Variants in KIRREL3 observed in about 807,000 individuals in gnomAD.
KIRREL3 encodes kin of IRRE-like protein 3.
Under a neutral mutation model 89.7 loss-of-function variants are expected in KIRREL3, and 36 were observed. That is an observed-to-expected ratio of 0.40 (90% CI 0.31 to 0.53). The LOEUF is 0.53. Ranked by LOEUF, KIRREL3 falls within the 20% of genes least tolerant of loss-of-function variation. The probability of loss-of-function intolerance (pLI) is 0.49; values close to 1 mark genes in which losing one functional copy is unlikely to be tolerated. For missense variants in KIRREL3, 864 were observed against 1,056.6 expected, an observed-to-expected ratio of 0.82 and a Z score of 2.53; for synonymous variants, 445 against 441.4, an observed-to-expected ratio of 1.01 and a Z score of -0.10.
At chr11:126,554,453 T>C (rs942526324) in intron 2 of KIRREL3, among the ~76,000 whole-genome samples, 1 of 152,202 alleles carries the variant, frequency 6.6e-6, no homozygotes, top group African/African-American at 2.4e-5. Flanking sequence ...GCTGCCTGTG[T>C]TACTCTGGAT....
At chr11:126,456,601 C>T (rs908296110) in intron 6 of KIRREL3, 147 bp from the exon 7 acceptor site, 42 of 609,598 alleles carry the variant, frequency 6.9e-5, no homozygotes, top group African/African-American at 5.2e-4. Context: ...AAGCTGGGGG[C>T]TCCATGGGAG....
rs75338332 is a variant in KIRREL3, at chr11:126,783,659, A to T, written c.55+216796T>A. On this transcript the variant is annotated intron_variant, in intron 1 of 16. Transcript: ENST00000525144. This position sits in a 1 kb window ranked among gnomAD's most constrained non-coding sequence, Gnocchi z 4.3. ...ATGTAAATAGATGACTGAAGGAATA[A>T]ATACAGAAATAAATAAATGGAGGAG... Among the ~76,000 whole-genome samples, 5,515 of 152,328 alleles carry T rather than the reference A, an allele frequency of 0.036. 316 individuals carry two copies. The highest frequency in any genetic ancestry group is 0.12 in the African/African-American group (5,080 of 41,546).
chr11:126,776,437 G>A lies in KIRREL3; in HGVS notation c.56-213525C>T, dbSNP rs916241889. Among the ~76,000 whole-genome samples, 2 of 152,172 alleles carry A rather than the reference G, an allele frequency of 1.3e-5. No individual in the cohort carries two copies. Among genetic ancestry groups the A allele is most frequent in the African/African-American group, 4.8e-5 (2 of 41,444 alleles). On this transcript the variant is annotated intron_variant, in intron 1 of 16. Coordinates refer to ENST00000525144, the MANE Select transcript of KIRREL3 (RefSeq NM_032531.4). The surrounding 1 kb of genome is among the most constrained non-coding windows in gnomAD (Gnocchi z 4.7). ...TGTGCTGATGCCTCCTTCTCAGGGT[G>A]GCTGTGAGAATCAAATGAAATGATT...
Position 126,748,594 on chromosome 11 carries a change from G to A in KIRREL3, c.56-185682C>T, listed in dbSNP as rs962121474. Among the ~76,000 whole-genome samples the A allele has an allele frequency of 6.6e-6, 1 of 152,170 alleles. No homozygotes were observed. The highest frequency in any genetic ancestry group is 2.4e-5 in the African/African-American group (1 of 41,438). ...GGCAAGGGCGGGGCAGGAAGGGAGG[G>A]AATCGTGTGCTGTGGCAGGAAAGAA... is the stretch of plus-strand genomic sequence containing the variant. On this transcript the variant is annotated intron_variant, in intron 1 of 16. Transcript: ENST00000525144. This position sits in a 1 kb window ranked among gnomAD's most constrained non-coding sequence, Gnocchi z 4.6.
intron 1 of KIRREL3, among the ~76,000 whole-genome samples, chr11:126,846,395 GT>G: frequency 6.6e-6 from 1 of 152,082 alleles, no homozygotes; most frequent in East Asian, 1.9e-4. Flanking sequence ...TAATTAATTC[GT>G]TTAAAAATAA....
At chr11:126,781,820 G>T (rs1210512370) in intron 1 of KIRREL3, among the ~76,000 whole-genome samples, 2 of 152,124 alleles carry the variant, frequency 1.3e-5, no homozygotes, top group Non-Finnish European at 2.9e-5. Flanking sequence ...TAAAAAAATT[G>T]AATATCATCA....
rs922079792 is a variant in KIRREL3, at chr11:126,940,597, T to A, written c.55+59858A>T. 6.6e-6 allele frequency: 1 copy of A among 152,126 alleles called. No homozygotes were observed. The highest frequency in any genetic ancestry group is 1.5e-5 in the Non-Finnish European group (1 of 68,048). The allele number at this position is 152,126 out of a possible 1,614,324, so 9.4% of individuals were successfully genotyped here. ...GTGTGTGTGTGTGTCTGTGGGTGCA[T>A]GCATTTTCACCCTTCTCAGCCATAC... is the stretch of plus-strand genomic sequence containing the variant. On this transcript the variant is annotated intron_variant, in intron 1 of 16. Coordinates refer to ENST00000525144, the MANE Select transcript of KIRREL3 (RefSeq NM_032531.4). The surrounding 1 kb of genome is among the most constrained non-coding windows in gnomAD (Gnocchi z 4.6).
At chr11:126,691,550 T>C (rs1591968253) in intron 1 of KIRREL3, among the ~76,000 whole-genome samples, 2 of 152,250 alleles carry the variant, frequency 1.3e-5, no homozygotes, top group Admixed American at 1.3e-4. Flanking sequence ...TATTGCATGA[T>C]ACCCTTTGTA....
At position 126,427,160 on chromosome 11, in the gene KIRREL3, A is replaced by T. The variant is rs1415422764; in HGVS notation, c.1807-1436T>A. On this transcript the variant is annotated intron_variant, in intron 15 of 16. Transcript: ENST00000525144. The surrounding 1 kb of genome is among the most constrained non-coding windows in gnomAD (Gnocchi z 5.3). Reference sequence around the variant, plus strand: ...GTCCCGTTTGGGATGAAGGACACACATGATTAAGCTTAAGTATAGAGACGT... The same window carrying T: ...GTCCCGTTTGGGATGAAGGACACACTTGATTAAGCTTAAGTATAGAGACGT... 4.6e-5 allele frequency among the ~76,000 whole-genome samples: 7 copies of T among 152,184 alleles called. No individual in the cohort carries two copies. Among genetic ancestry groups the T allele is most frequent in the Non-Finnish European group, 1.0e-4 (7 of 68,040 alleles).
At chr11:126,717,596 C>G (rs1196572205) in intron 1 of KIRREL3, among the ~76,000 whole-genome samples, 1 of 152,246 alleles carries the variant, frequency 6.6e-6, no homozygotes, top group African/African-American at 2.4e-5. Context: ...TCACTCATCT[C>G]TGTCCTCCTG....
In KIRREL3 at chr11:126,457,172, A is replaced by C. The variant is rs555193869; in HGVS notation, c.743-718T>G. Among the ~76,000 whole-genome samples the C allele has an allele frequency of 5.0e-5, 6 of 120,276 alleles. No individual in the cohort carries two copies. The South Asian group carries it at 2.0e-3, about 39-fold the overall frequency. 78.9% of individuals were successfully genotyped at this position (120,276 alleles called of 152,430 possible). A position where few individuals can be genotyped will look rare whatever the true frequency, so the allele number is the denominator to read the frequency against. On this transcript the variant is annotated intron_variant, in intron 6 of 16. Transcript: ENST00000525144. Reference sequence around the variant, plus strand: ...TAGAGGAGAGACATGGAGACCATAGAGGAAGAGAGATTATGTGTGTGTGTG... The same window carrying C: ...TAGAGGAGAGACATGGAGACCATAGCGGAAGAGAGATTATGTGTGTGTGTG...
chr11:126,828,905 G>A (rs1033286459), intron 1 of KIRREL3, among the ~76,000 whole-genome samples: 12 of 152,200 alleles, frequency 7.9e-5, no homozygotes, highest in Non-Finnish European at 1.6e-4. Flanking sequence ...CAGATCTGAA[G>A]GAGAGGGGAC....
At chr11:126,658,673 C>G (rs1010186703) in intron 1 of KIRREL3, among the ~76,000 whole-genome samples, 1 of 152,210 alleles carries the variant, frequency 6.6e-6, no homozygotes, top group Non-Finnish European at 1.5e-5. Context: ...CTCGTTAAGA[C>G]TTTTTCTTTG....
At position 126,696,024 on chromosome 11, in the gene KIRREL3, C is replaced by T. The variant is rs1042663017; in HGVS notation, c.56-133112G>A. Among the ~76,000 whole-genome samples the T allele has an allele frequency of 4.5e-4, 69 of 151,914 alleles. No individual in the cohort carries two copies. Among genetic ancestry groups the T allele is most frequent in the African/African-American group, 1.4e-3 (60 of 41,434 alleles). On this transcript the variant is annotated intron_variant, in intron 1 of 16. Coordinates refer to ENST00000525144, the MANE Select transcript of KIRREL3 (RefSeq NM_032531.4). This position sits in a 1 kb window ranked among gnomAD's most constrained non-coding sequence, Gnocchi z 4.4. ...ATCCCAGCACTTTGGGAGGCTGAGG[C>T]GGGTGGATTACCTGAGGTCAGGAGT...
rs1054522578 is a variant in KIRREL3 at position 126,994,992 on chromosome 11, G to A, written c.55+5463C>T. On this transcript the variant is annotated intron_variant, in intron 1 of 16. Coordinates refer to ENST00000525144, the MANE Select transcript of KIRREL3 (RefSeq NM_032531.4). This position sits in a 1 kb window ranked among gnomAD's most constrained non-coding sequence, Gnocchi z 5.2. ...GGAAAAGAAAATGACATGCAATGAC[G>A]TATGGAACAGTACTGTGTCTCGGTG... 21 of 351,948 alleles carry A rather than the reference G, an allele frequency of 6.0e-5. No homozygotes were observed. The highest frequency in any genetic ancestry group is 1.1e-4 in the Non-Finnish European group (20 of 178,002). 21.8% of individuals were successfully genotyped at this position (351,948 alleles called of 1,614,324 possible). A position where few individuals can be genotyped will look rare whatever the true frequency, so the allele number is the denominator to read the frequency against.
Position 126,705,698 on chromosome 11 carries a change from T to C in KIRREL3, c.56-142786A>G, listed in dbSNP as rs12807032. Among the ~76,000 whole-genome samples, 5,713 of 152,296 alleles carry C rather than the reference T, an allele frequency of 0.038. 128 individuals carry two copies. The highest frequency in any genetic ancestry group is 0.1 in the Middle Eastern group (30 of 294). On this transcript the variant is annotated intron_variant, in intron 1 of 16. Transcript: ENST00000525144. The surrounding 1 kb of genome is among the most constrained non-coding windows in gnomAD (Gnocchi z 4.3). ...TGTATATGTAATGTATACCTATGTG[T>C]ATGTGCATAAATGGAAAATGCACTG...
chr11:126,637,905 C>G (rs767855353), intron 1 of KIRREL3, among the ~76,000 whole-genome samples: 11 of 152,320 alleles, frequency 7.2e-5, no homozygotes, highest in East Asian at 5.8e-4. Context: ...GACCATTGTA[C>G]AGTGGAAAAC....
chr11:126,475,622 C>T lies in KIRREL3; in HGVS notation c.434-2156G>A, dbSNP rs1957042140. On this transcript the variant is annotated intron_variant, in intron 4 of 16. Transcript: ENST00000525144. This position sits in a 1 kb window ranked among gnomAD's most constrained non-coding sequence, Gnocchi z 7.5. ...CTGCCTCAGGCAACCCTGCCTGGCC[C>T]TGGGCTCTTGAGCCGGGAGGAAGCA... Among the ~76,000 whole-genome samples the T allele has an allele frequency of 6.6e-6, 1 of 152,144 alleles. No individual in the cohort carries two copies. Among genetic ancestry groups the T allele is most frequent in the Non-Finnish European group, 1.5e-5 (1 of 68,014 alleles).
rs1388307361 is a variant in KIRREL3 at position 126,454,955 on chromosome 11, C to A, written c.848+1394G>T. ...GACTCCAGTGCTGCTTAATTACGCA[C>A]TCTGCAGGGAGCACCTCCTCATGTC... On this transcript the variant is annotated intron_variant, in intron 7 of 16. Coordinates refer to ENST00000525144, the MANE Select transcript of KIRREL3 (RefSeq NM_032531.4). This position sits in a 1 kb window ranked among gnomAD's most constrained non-coding sequence, Gnocchi z 5.8. 6.6e-6 allele frequency among the ~76,000 whole-genome samples: 1 copy of A among 152,222 alleles called. No individual in the cohort carries two copies. Among genetic ancestry groups the A allele is most frequent in the Non-Finnish European group, 1.5e-5 (1 of 68,040 alleles).
Sources: allele counts gnomAD v4.1 joint callset (sites outside exome capture counted in the v4.1 genomes callset), GRCh38; gene constraint gnomAD v4.1.1; non-coding constraint Gnocchi (gnomAD v3.1); transcripts MANE v1.5; gene names NCBI Gene and HGNC (gene_info 2026-07-23, HGNC 2026-07-21).